TNRC6C: variants seen among roughly 807,000 people sequenced by gnomAD.
The protein encoded by TNRC6C is trinucleotide repeat containing adaptor 6C.
Under a neutral mutation model 153.7 loss-of-function variants are expected in TNRC6C, and 20 were observed. That is an observed-to-expected ratio of 0.13 (90% CI 0.09 to 0.19). TNRC6C has a LOEUF of 0.19. TNRC6C is among the 10% of genes least tolerant of loss of function. TNRC6C has a pLI of 1.00. For synonymous variants in TNRC6C, 811 were observed against 841.4 expected (o/e 0.96, Z 0.63); for missense variants, 1,987 against 2,172.0 (o/e 0.91, Z 1.69).
chr17:78,106,522 T>TAAAAAA (rs113939739), exon 20 of TNRC6C: 1 of 92,594 alleles, frequency 1.1e-5, no homozygotes, highest in Non-Finnish European at 2.4e-5. Context: ...AGATGTTATT[T>TAAAAAA]AAAAAAAAAA....
chr17:78,098,507 C>G (rs201237649), exon 17 of TNRC6C: 128 of 1,613,542 alleles, frequency 7.9e-5, no homozygotes, highest in Middle Eastern at 3.4e-4. Context: ...GGGTGCCAGC[C>G]CCCTCGGCTG....
intron 1 of TNRC6C, among the ~76,000 whole-genome samples, chr17:77,970,284 TGCCCA>T (rs2070930463): frequency 6.6e-6 from 1 of 152,150 alleles, no homozygotes; most frequent in Non-Finnish European, 1.5e-5. Flanking sequence ...CTCACTCTGT[TGCCCA>T]GGCTGGAGTG....
intron 1 of TNRC6C, among the ~76,000 whole-genome samples, chr17:77,960,899 GT>G (rs569662994): frequency 9.9e-5 from 15 of 151,958 alleles, no homozygotes; most frequent in Non-Finnish European, 1.5e-4. Flanking sequence ...TATACTGAAA[GT>G]TTTTTTTCTA....
At position 78,030,188 on chromosome 17, in the gene TNRC6C, C is replaced by A. The variant is rs529415278; in HGVS notation, c.-545-1328C>A. ...TTTTGGAGACGGAGTCTCGCTCTGT[C>A]ACCCAGCCTGGAGTGCAGTGGCACA... On this transcript the variant is annotated intron_variant, in intron 1 of 19. Coordinates refer to ENST00000301624, the Ensembl canonical transcript of TNRC6C. Among the ~76,000 whole-genome samples the A allele has an allele frequency of 1.1e-4, 17 of 152,010 alleles. No individual in the cohort carries two copies. In the East Asian group the frequency reaches 3.3e-3, roughly 29 times the overall value.
chr17:78,101,557 C>T (rs978778468), intron 17 of TNRC6C, among the ~76,000 whole-genome samples: 11 of 152,210 alleles, frequency 7.2e-5, no homozygotes, highest in South Asian at 2.1e-4. Context: ...AGAAATAGAG[C>T]GGTGTGAAGT....
At chr17:78,107,638 T>A (rs1445091208) in exon 20 of TNRC6C, 2 of 152,262 alleles carry the variant, frequency 1.3e-5, no homozygotes, top group Non-Finnish European at 2.9e-5. Flanking sequence ...TATCATTTGC[T>A]TTGTGGTTTT....
chr17:78,065,084 C>A lies in TNRC6C; in HGVS notation c.2611+147C>A, dbSNP rs183100777. The stretch of plus-strand genomic sequence containing the variant: ...AGAGTCTTGGCCAAGCACAGTGCCT[C>A]ACACCTATAATCCCAGCACTTTGGG... On this transcript the variant is annotated intron_variant, in intron 4 of 19. Transcript: ENST00000301624. The A allele has an allele frequency of 6.5e-4, 624 of 964,174 alleles. 4 individuals carry two copies. The African/African-American group carries it at 9.4e-3, about 15-fold the overall frequency. The allele number at this position is 964,174 out of a possible 1,614,324, so 59.7% of individuals were successfully genotyped here.
chr17:78,000,033 T>G (rs1447849383), upstream of TNRC6C, among the ~76,000 whole-genome samples: 1 of 152,228 alleles, frequency 6.6e-6, no homozygotes, highest in Non-Finnish European at 1.5e-5. Flanking sequence ...AGCACAGGTC[T>G]TCTTCACAAC....
rs189820714 is a variant in TNRC6C at position 78,075,747 on chromosome 17, G to A, written c.3060+469G>A. On this transcript the variant is annotated intron_variant, in intron 8 of 19. Coordinates refer to ENST00000301624, the Ensembl canonical transcript of TNRC6C. The surrounding 1 kb of genome is among the most constrained non-coding windows in gnomAD (Gnocchi z 4.2). The stretch of plus-strand genomic sequence containing the variant: ...AGCTGGCATCTGTGGAAAACGCCCT[G>A]AATGTTTAGCCAGTCCGGTCACAGC... Among the ~76,000 whole-genome samples, 960 of 152,288 alleles carry A rather than the reference G, an allele frequency of 6.3e-3. 36 individuals carry two copies. The highest frequency in any genetic ancestry group is 0.058 in the Admixed American group (884 of 15,288).
chr17:78,048,916 G>A (rs1176367969), exon 3 of TNRC6C: 34 of 1,266,524 alleles, frequency 2.7e-5, no homozygotes, highest in South Asian at 1.0e-4. Flanking sequence ...TTACAGAAGC[G>A]AAGCCAACTG....
At chr17:78,033,669 CA>C (rs1157937375) in intron 2 of TNRC6C, among the ~76,000 whole-genome samples, 3,407 of 124,796 alleles carry the variant, frequency 0.027, 125 homozygotes, top group African/African-American at 0.092. Context: ...AACTCCGTTT[CA>C]AAAAAAAAAA....
At chr17:77,970,299 G>A (rs937991627) in intron 1 of TNRC6C, among the ~76,000 whole-genome samples, 3 of 152,200 alleles carry the variant, frequency 2.0e-5, no homozygotes, top group Non-Finnish European at 4.4e-5. Context: ...AGGCTGGAGT[G>A]CAGTGGTACA....
chr17:78,023,919 G>C (rs939463504), intron 1 of TNRC6C, among the ~76,000 whole-genome samples: 2 of 152,084 alleles, frequency 1.3e-5, no homozygotes, highest in African/African-American at 4.8e-5. Context: ...AGACCAGCCT[G>C]GCCGACATGG....
At chr17:78,042,797 T>G (rs1173539974) in intron 2 of TNRC6C, among the ~76,000 whole-genome samples, 4 of 151,426 alleles carry the variant, frequency 2.6e-5, no homozygotes, top group Admixed American at 6.6e-5. Context: ...GGTGGTGGTG[T>G]TGGTGATGAC....
chr17:77,989,873 C>G (rs2071223863), intron 1 of TNRC6C, among the ~76,000 whole-genome samples: 1 of 152,176 alleles, frequency 6.6e-6, no homozygotes, highest in East Asian at 1.9e-4. Flanking sequence ...TCCCTTCCTA[C>G]CTGATCTCAG....
chr17:78,061,315 A>G (rs2072763487), intron 3 of TNRC6C, among the ~76,000 whole-genome samples: 1 of 152,210 alleles, frequency 6.6e-6, no homozygotes, highest in African/African-American at 2.4e-5. Flanking sequence ...TCTGATGATA[A>G]ACACTTAACA....
chr17:78,049,594 A>C lies in TNRC6C; in HGVS notation c.532A>C (p.Asn178His). ...TGTGTCTTTCAGCGCACAACCTCAG[A>C]ACCTTAACACTGATGGACCAAATAA... The change falls in exon 3 of 20, where the codon AAC becomes CAC. Residue 178 changes from asparagine to histidine, a missense_variant. By Grantham distance (68) the Asn-to-His change is moderately conservative. This residue lies in a region of TNRC6C where 1,052 missense variants were observed against 1,017.0 expected (regional missense o/e 1.03). Coordinates refer to ENST00000301624, the Ensembl canonical transcript of TNRC6C. This position sits in a 1 kb window ranked among gnomAD's most constrained non-coding sequence, Gnocchi z 4.1. The C allele has an allele frequency of 6.2e-7, 1 of 1,613,972 alleles. No individual in the cohort carries two copies. Among genetic ancestry groups the C allele is most frequent in the Middle Eastern group, 1.6e-4 (1 of 6,062 alleles).
intron 1 of TNRC6C, among the ~76,000 whole-genome samples, chr17:77,988,595 C>G (rs1387366584): frequency 6.6e-6 from 1 of 152,164 alleles, no homozygotes; most frequent in Admixed American, 6.5e-5. Context: ...TTATAATTAG[C>G]ATTTTTACCA....
chr17:77,964,773 A>G (rs925585097), intron 1 of TNRC6C, among the ~76,000 whole-genome samples: 5 of 152,188 alleles, frequency 3.3e-5, no homozygotes, highest in Non-Finnish European at 7.3e-5. Context: ...GGAGATGCAC[A>G]AGTATTTTTT....
Sources: gnomAD v4.1 joint callset for allele counts (sites outside exome capture counted in the v4.1 genomes callset) on GRCh38, gnomAD v4.1.1 for gene constraint, gnomAD v4.1.1 regional missense constraint, Gnocchi (gnomAD v3.1) non-coding constraint, MANE v1.5 for transcripts, NCBI Gene and HGNC (gene_info 2026-07-23, HGNC 2026-07-21) for gene names.